The following SAMMSON variants were observed in gnomAD, a reference collection of about 807,000 sequenced individuals.
The protein encoded by SAMMSON is survival associated mitochondrial melanoma specific oncogenic non-coding RNA, also known as long intergenic non-protein coding RNA 1212.
intron 6 of SAMMSON, among the ~76,000 whole-genome samples, chr3:70,255,312 A>G (rs1425286279): frequency 6.6e-6 from 1 of 152,256 alleles, no homozygotes; most frequent in African/African-American, 2.4e-5. Context: ...CTGTGATTTT[A>G]TAGTCAGTAA....
intron 3 of SAMMSON, among the ~76,000 whole-genome samples, chr3:70,016,062 C>T (rs548644356): frequency 1.9e-4 from 29 of 152,220 alleles, no homozygotes; most frequent in Non-Finnish European, 4.1e-4. Context: ...GATTTATAAT[C>T]CTTTGGGTAT....
chr3:70,161,098 T>C (rs2067613561), intron 4 of SAMMSON, among the ~76,000 whole-genome samples: 1 of 152,084 alleles, frequency 6.6e-6, no homozygotes, highest in South Asian at 2.1e-4. Context: ...TATCATGTTA[T>C]CTTCAAATAA....
At chr3:70,067,452 T>C (rs73836053) in intron 3 of SAMMSON, among the ~76,000 whole-genome samples, 2,831 of 152,178 alleles carry the variant, frequency 0.019, 95 homozygotes, top group African/African-American at 0.063. Context: ...AATTCATGAT[T>C]CATTGACTGT....
intron 4 of SAMMSON, among the ~76,000 whole-genome samples, chr3:70,230,649 C>T (rs150911991): frequency 6.6e-6 from 1 of 152,240 alleles, no homozygotes; most frequent in East Asian, 1.9e-4. Context: ...AGTTGAGCTG[C>T]AATGACAGCA....
intron 2 of SAMMSON, among the ~76,000 whole-genome samples, chr3:70,406,113 A>G (rs1199465737): frequency 2.6e-5 from 4 of 152,196 alleles, no homozygotes; most frequent in African/African-American, 9.6e-5. Flanking sequence ...TTATTCAGCC[A>G]TTCCCCAGTG....
At chr3:70,419,364 T>A (rs906949130) in intron 2 of SAMMSON, among the ~76,000 whole-genome samples, 30 of 151,974 alleles carry the variant, frequency 2.0e-4, no homozygotes, top group Non-Finnish European at 3.4e-4. Context: ...CTATTTAATT[T>A]CTCCATTAAG....
intron 9 of SAMMSON, among the ~76,000 whole-genome samples, chr3:70,379,537 G>A (rs1703047148): frequency 6.6e-6 from 1 of 152,124 alleles, no homozygotes; most frequent in Admixed American, 6.5e-5. Flanking sequence ...GACTTCTGGA[G>A]CTACATTTGC....
chr3:70,294,164 A>G (rs1052876993), intron 7 of SAMMSON, among the ~76,000 whole-genome samples: 4 of 152,222 alleles, frequency 2.6e-5, no homozygotes, highest in Non-Finnish European at 5.9e-5. Context: ...CCTAGCATTT[A>G]AAAACTAGTG....
chr3:70,129,468 A>G (rs565500657), intron 4 of SAMMSON, among the ~76,000 whole-genome samples: 6 of 152,186 alleles, frequency 3.9e-5, no homozygotes, highest in Non-Finnish European at 8.8e-5. Context: ...GTGTGATAGT[A>G]TATGTTTGAC....
At chr3:70,024,008 T>TG (rs1336087326) in intron 3 of SAMMSON, among the ~76,000 whole-genome samples, 1 of 124,682 alleles carries the variant, frequency 8.0e-6, no homozygotes, top group Admixed American at 8.1e-5. Flanking sequence ...TCCTTCCTAT[T>TG]TTTTTCCTAA....
At chr3:70,244,905 A>G (rs1165899249) in intron 4 of SAMMSON, among the ~76,000 whole-genome samples, 2 of 152,226 alleles carry the variant, frequency 1.3e-5, no homozygotes, top group Non-Finnish European at 2.9e-5. Context: ...AAATTCATTC[A>G]TAAATAGTCT....
rs531272947 is a variant in SAMMSON at position 70,278,465 on chromosome 3, G to A, written n.675-12714G>A. Reference sequence around the variant, plus strand: ...TAGAATGGGAAGACTTTTAGCTTTAGGTGGATACTGCCTAGCAGTTTTCCA... The same window carrying A: ...TAGAATGGGAAGACTTTTAGCTTTAAGTGGATACTGCCTAGCAGTTTTCCA... On this transcript the variant is annotated intron_variant and non_coding_transcript_variant, in intron 6 of 9. Coordinates refer to ENST00000642114, the Ensembl canonical transcript of SAMMSON. Among the ~76,000 whole-genome samples the A allele has an allele frequency of 7.2e-5, 11 of 152,266 alleles. No individual in the cohort carries two copies. The South Asian group carries it at 1.7e-3, about 23-fold the overall frequency.
chr3:70,383,103 A>G (rs1703087136), intron 9 of SAMMSON, among the ~76,000 whole-genome samples: 1 of 152,122 alleles, frequency 6.6e-6, no homozygotes. Flanking sequence ...AGGAGATTGG[A>G]CATGGGGAAT....
At chr3:70,405,945 C>T (rs1483423391) in intron 2 of SAMMSON, among the ~76,000 whole-genome samples, 1 of 151,980 alleles carries the variant, frequency 6.6e-6, no homozygotes, top group Non-Finnish European at 1.5e-5. Context: ...TAACCAATGC[C>T]TGAGAAAAAG....
intron 3 of SAMMSON, among the ~76,000 whole-genome samples, chr3:70,028,583 A>G (rs956231985): frequency 4.6e-5 from 7 of 152,184 alleles, no homozygotes; most frequent in African/African-American, 1.4e-4. Context: ...AAAAATCCCT[A>G]AATTTGAGAA....
intron 7 of SAMMSON, among the ~76,000 whole-genome samples, chr3:70,349,594 TTC>T (rs1051339234): frequency 6.6e-6 from 1 of 152,150 alleles, no homozygotes; most frequent in African/African-American, 2.4e-5. Flanking sequence ...AAAAATAACT[TTC>T]TATGTGGTCA....
At chr3:70,363,825 T>C (rs1702896432) in intron 9 of SAMMSON, among the ~76,000 whole-genome samples, 1 of 144,328 alleles carries the variant, frequency 6.9e-6, no homozygotes, top group South Asian at 2.3e-4. Context: ...TGTGTGTGTG[T>C]GTGCATGACA....
chr3:70,045,794 A>G (rs2067124598), intron 3 of SAMMSON, among the ~76,000 whole-genome samples: 2 of 152,134 alleles, frequency 1.3e-5, no homozygotes, highest in African/African-American at 2.4e-5. Flanking sequence ...TTTAATGCAC[A>G]TGTGTTACCT....
At chr3:70,263,434 A>T (rs890354377) in intron 6 of SAMMSON, among the ~76,000 whole-genome samples, 2 of 152,134 alleles carry the variant, frequency 1.3e-5, no homozygotes, top group African/African-American at 4.8e-5. Context: ...CTAAGGTGTG[A>T]TCCTTCTGCA....
Sources: allele counts gnomAD v4.1 joint callset (sites outside exome capture counted in the v4.1 genomes callset), GRCh38; gene constraint gnomAD v4.1.1; transcripts MANE v1.5; gene names NCBI Gene and HGNC (gene_info 2026-07-23, HGNC 2026-07-21).